IGF1R: variants seen among roughly 807,000 people sequenced by gnomAD.
IGF1R encodes insulin-like growth factor 1 receptor.
IGF1R carries 44 observed loss-of-function variants against 144.6 expected under a neutral mutation model. The ratio of observed to expected loss-of-function variants is 0.30; its 90% CI spans 0.24 to 0.39. The LOEUF (loss-of-function observed/expected upper bound fraction) is 0.39. Among genes scored for constraint, IGF1R ranks in the 10% least tolerant of loss-of-function variants. The pLI is 1.00. For missense variants in IGF1R, 1,355 were observed against 1,833.7 expected, an observed-to-expected ratio of 0.74 and a Z score of 4.77; for synonymous variants, 795 against 722.8, an observed-to-expected ratio of 1.10 and a Z score of -1.60.
chr15:98,935,192 A>C lies in IGF1R; in HGVS notation c.3187-124A>C. On this transcript the variant is annotated intron_variant, in intron 16 of 20. Coordinates refer to ENST00000650285, the MANE Select transcript of IGF1R (RefSeq NM_000875.5). This position sits in a 1 kb window ranked among gnomAD's most constrained non-coding sequence, Gnocchi z 4.2. Reference sequence around the variant, plus strand: ...TTCTGGATAGTTACCCCATTACCTCACTGCTACCTTCAGACCCCTGTGCTC... The same window carrying C: ...TTCTGGATAGTTACCCCATTACCTCCCTGCTACCTTCAGACCCCTGTGCTC... 1.1e-6 allele frequency: 1 copy of C among 949,496 alleles called. No homozygotes were observed. Among genetic ancestry groups the C allele is most frequent in the Non-Finnish European group, 1.7e-6 (1 of 598,780 alleles). 58.8% of individuals were successfully genotyped at this position (949,496 alleles called of 1,614,324 possible).
In IGF1R at chr15:98,874,460, C is replaced by T. The variant is rs566833517; in HGVS notation, c.641-16865C>T. On this transcript the variant is annotated intron_variant, in intron 2 of 20. Transcript: ENST00000650285. ...TTCCAACAGTATTAAAGAAAATTTGCGGGTTGTTTGTCAAAAGGGGTCATA... is the reference window on the plus strand; with the variant it reads ...TTCCAACAGTATTAAAGAAAATTTGTGGGTTGTTTGTCAAAAGGGGTCATA... Among the ~76,000 whole-genome samples, 11 of 152,144 alleles carry T rather than the reference C, an allele frequency of 7.2e-5. No homozygotes were observed. The East Asian group carries it at 1.4e-3, about 19-fold the overall frequency.
rs941356547 is a variant in IGF1R at position 98,886,098 on chromosome 15, G to A, written c.641-5227G>A. 1.2e-4 allele frequency among the ~76,000 whole-genome samples: 19 copies of A among 152,192 alleles called. No individual in the cohort carries two copies. In the East Asian group the frequency reaches 1.7e-3, roughly 14 times the overall value. On this transcript the variant is annotated intron_variant, in intron 2 of 20. Coordinates refer to ENST00000650285, the MANE Select transcript of IGF1R (RefSeq NM_000875.5). Reference sequence around the variant, plus strand: ...CTCCCAAAGTGCTGGGATCACAGGCGTGAGCCACCACGCCCAGCCTATGGT... The same window carrying A: ...CTCCCAAAGTGCTGGGATCACAGGCATGAGCCACCACGCCCAGCCTATGGT...
intron 1 of IGF1R, among the ~76,000 whole-genome samples, chr15:98,650,046 A>ACG (rs2052313005): frequency 6.6e-6 from 1 of 151,794 alleles, no homozygotes; most frequent in Non-Finnish European, 1.5e-5. Flanking sequence ...TTCCATGCGC[A>ACG]AGAGCCTCTC....
intron 2 of IGF1R, among the ~76,000 whole-genome samples, chr15:98,733,420 T>G (rs1214992567): frequency 6.6e-6 from 1 of 151,862 alleles, no homozygotes; most frequent in Non-Finnish European, 1.5e-5. Context: ...GGGCTCAAGT[T>G]ATCCTCCCAC....
At chr15:98,765,920 G>A (rs2055425143) in intron 2 of IGF1R, among the ~76,000 whole-genome samples, 1 of 151,904 alleles carries the variant, frequency 6.6e-6, no homozygotes, top group African/African-American at 2.4e-5. Context: ...GTATCCCATG[G>A]TGGGCATGCT....
intron 2 of IGF1R, among the ~76,000 whole-genome samples, chr15:98,713,166 A>G (rs2141268018): frequency 6.6e-6 from 1 of 152,028 alleles, no homozygotes; most frequent in African/African-American, 2.4e-5. Context: ...AAGGATGTAA[A>G]GGCTCTGCAG....
chr15:98,913,189 G>A lies in IGF1R; in HGVS notation c.1735G>A (p.Val579Ile), dbSNP rs138992740. ...GCTGAAGCCCTGGACTCAGTACGCC[G>A]TTTACGTCAAGGCTGTGACCCTCAC... Reference protein sequence around the residue: ...HGLKPWTQYAVYVKAVTLTMV... With the variant: ...HGLKPWTQYAIYVKAVTLTMV... The change falls in exon 8 of 21, where the codon GTT becomes ATT. Residue 579 changes from valine (V) to isoleucine (I), a missense_variant. Coordinates refer to ENST00000650285, the MANE Select transcript of IGF1R (RefSeq NM_000875.5). The A allele has an allele frequency of 3.2e-5, 51 of 1,614,106 alleles. No homozygotes were observed. The highest frequency in any genetic ancestry group is 3.3e-4 in the Middle Eastern group (2 of 6,084).
chr15:98,736,672 C>G (rs1567102340), intron 2 of IGF1R, among the ~76,000 whole-genome samples: 1 of 146,650 alleles, frequency 6.8e-6, no homozygotes. Context: ...AGTGGAGTGG[C>G]ATGATCTCGG....
At chr15:98,839,183 T>C (rs1423344087) in intron 2 of IGF1R, among the ~76,000 whole-genome samples, 2 of 152,252 alleles carry the variant, frequency 1.3e-5, no homozygotes, top group Non-Finnish European at 2.9e-5. Context: ...ACTTGCCATA[T>C]ACTCAGTTGT....
At chr15:98,917,292 A>G (rs1169058910) in intron 10 of IGF1R, among the ~76,000 whole-genome samples, 4 of 152,152 alleles carry the variant, frequency 2.6e-5, no homozygotes, top group African/African-American at 9.7e-5. Context: ...ACAGAGGAGG[A>G]GTGAAGCAAG....
At chr15:98,772,556 G>A (rs952686049) in intron 2 of IGF1R, among the ~76,000 whole-genome samples, 11 of 150,246 alleles carry the variant, frequency 7.3e-5, no homozygotes, top group Non-Finnish European at 1.5e-4. Flanking sequence ...GAGCACAGTG[G>A]CACAATCATA....
In IGF1R at chr15:98,960,279, CTGTTTTGTGTTGCTTTTTT is replaced by C; in HGVS notation, c.*2846_*2864del. On this transcript the variant is annotated 3_prime_UTR_variant, in exon 21 of 21. Transcript: ENST00000650285. ...ACAGCTTGCCTTTTTCTGAGATGTC[CTGTTTTGTGTTGCTTTTTT>C]TGTTTTGTTTTCTATCTTGGTTTCC... 1 of 210,120 alleles carries C rather than the reference CTGTTTTGTGTTGCTTTTTT, an allele frequency of 4.8e-6. No homozygotes were observed. The highest frequency in any genetic ancestry group is 6.8e-5 in the East Asian group (1 of 14,804). 13.0% of individuals were successfully genotyped at this position (210,120 alleles called of 1,614,324 possible).
chr15:98,843,093 C>T (rs181076267), intron 2 of IGF1R, among the ~76,000 whole-genome samples: 26 of 152,320 alleles, frequency 1.7e-4, no homozygotes, highest in Non-Finnish European at 3.2e-4. Flanking sequence ...CTTGTTTGCT[C>T]ACCGGCATGT....
intron 1 of IGF1R, among the ~76,000 whole-genome samples, chr15:98,651,981 C>T (rs1451035119): frequency 6.6e-6 from 1 of 152,146 alleles, no homozygotes; most frequent in African/African-American, 2.4e-5. Context: ...GCTGCTGAGC[C>T]CTATCAGGGA....
At chr15:98,918,972 G>T (rs2015370088) in intron 10 of IGF1R, among the ~76,000 whole-genome samples, 1 of 152,188 alleles carries the variant, frequency 6.6e-6, no homozygotes, top group South Asian at 2.1e-4. Context: ...CTGCCTGCTG[G>T]TGTGTGGCAG....
At chr15:98,869,290 T>TAAAA (rs1265245619) in intron 2 of IGF1R, among the ~76,000 whole-genome samples, 2 of 120,158 alleles carry the variant, frequency 1.7e-5, no homozygotes, top group East Asian at 5.3e-4. Context: ...AGCTTTCAAT[T>TAAAA]AAAAAAAACA....
At position 98,959,534 on chromosome 15, in the gene IGF1R, G is replaced by A. The variant is rs905807716; in HGVS notation, c.*2092G>A. 3.4e-5 allele frequency: 8 copies of A among 233,458 alleles called. No individual in the cohort carries two copies. Among genetic ancestry groups the A allele is most frequent in the Non-Finnish European group, 5.1e-5 (6 of 118,026 alleles). The allele number at this position is 233,458 out of a possible 1,614,324, so 14.5% of individuals were successfully genotyped here. A position where few individuals can be genotyped will look rare whatever the true frequency, so the allele number is the denominator to read the frequency against. Reference sequence around the variant, plus strand: ...TAGGTGGAGGCAGCACAGACGCCACGGTGGCCCAAGAGCCCCTTTGCTTCT... The same window carrying A: ...TAGGTGGAGGCAGCACAGACGCCACAGTGGCCCAAGAGCCCCTTTGCTTCT... On this transcript the variant is annotated 3_prime_UTR_variant, in exon 21 of 21. Transcript: ENST00000650285.
chr15:98,846,839 T>C (rs1395781689), intron 2 of IGF1R, among the ~76,000 whole-genome samples: 1 of 152,268 alleles, frequency 6.6e-6, no homozygotes, highest in Non-Finnish European at 1.5e-5. Flanking sequence ...CAACACTTTG[T>C]TGGGATATTT....
chr15:98,672,140 C>T (rs931905257), intron 1 of IGF1R, among the ~76,000 whole-genome samples: 7 of 152,092 alleles, frequency 4.6e-5, no homozygotes, highest in Non-Finnish European at 1.0e-4. Flanking sequence ...TTTGGGCACA[C>T]GTTTCATTTT....
Sources: gnomAD v4.1 joint callset for allele counts (sites outside exome capture counted in the v4.1 genomes callset) on GRCh38, gnomAD v4.1.1 for gene constraint, Gnocchi (gnomAD v3.1) non-coding constraint, MANE v1.5 for transcripts, NCBI Gene and HGNC (gene_info 2026-07-23, HGNC 2026-07-21) for gene names.